Variants in NRG3 observed in about 807,000 individuals in gnomAD.
NRG3 encodes the protein pro-neuregulin-3, membrane-bound isoform.
NRG3 carries 31 observed loss-of-function variants against 66.9 expected under a neutral mutation model. The ratio of observed to expected loss-of-function variants is 0.46; its 90% CI spans 0.35 to 0.63. The LOEUF (loss-of-function observed/expected upper bound fraction) is 0.63. Among genes scored for constraint, NRG3 ranks in the 20% least tolerant of loss-of-function variants. The pLI is 0.00. For missense variants in NRG3, 910 were observed against 878.9 expected (o/e 1.04, Z -0.45); for synonymous variants, 393 against 359.4 (o/e 1.09, Z -1.06).
At chr10:82,186,479 A>T (rs2073816217) in intron 1 of NRG3, among the ~76,000 whole-genome samples, 1 of 152,160 alleles carries the variant, frequency 6.6e-6, no homozygotes, top group Non-Finnish European at 1.5e-5. Flanking sequence ...GTCCACTTCC[A>T]CTAATGCCTC....
chr10:82,837,576 C>T (rs568283796), intron 3 of NRG3, among the ~76,000 whole-genome samples: 10 of 152,100 alleles, frequency 6.6e-5, no homozygotes, highest in South Asian at 2.1e-4. Flanking sequence ...AATATTTGGA[C>T]GCGAATCATG....
chr10:82,132,515 T>TCATATA (rs2068972339), intron 1 of NRG3, among the ~76,000 whole-genome samples: 1 of 10,762 alleles, frequency 9.3e-5, no homozygotes, highest in Non-Finnish European at 2.5e-4. Flanking sequence ...CATATATATA[T>TCATATA]GATATATATG....
chr10:82,781,819 A>T (rs180812162), intron 3 of NRG3, among the ~76,000 whole-genome samples: 2 of 152,156 alleles, frequency 1.3e-5, no homozygotes, highest in East Asian at 3.9e-4. Flanking sequence ...CCTGAAGCAC[A>T]TGGGCCGTAA....
chr10:82,714,887 A>G (rs538344531), intron 2 of NRG3, among the ~76,000 whole-genome samples: 2 of 152,360 alleles, frequency 1.3e-5, no homozygotes, highest in Admixed American at 1.3e-4. Flanking sequence ...TGAAAAATCT[A>G]TTAACTATGT....
chr10:82,343,227 C>T (rs2082776451), intron 1 of NRG3, among the ~76,000 whole-genome samples: 1 of 151,890 alleles, frequency 6.6e-6, no homozygotes, highest in South Asian at 2.1e-4. Context: ...ACAAAATCAA[C>T]AAGGAAAAAT....
intron 2 of NRG3, among the ~76,000 whole-genome samples, chr10:82,415,663 T>C (rs1029007739): frequency 1.3e-5 from 2 of 152,182 alleles, no homozygotes; most frequent in African/African-American, 4.8e-5. Flanking sequence ...AGTGATACTT[T>C]ATAAAGTTGA....
At chr10:82,632,743 G>T (rs540937085) in intron 2 of NRG3, among the ~76,000 whole-genome samples, 37 of 152,090 alleles carry the variant, frequency 2.4e-4, no homozygotes, top group African/African-American at 8.9e-4. Flanking sequence ...GTCTGTCTTT[G>T]TTCATTTACG....
At chr10:82,882,849 A>G (rs1212598484) in intron 4 of NRG3, among the ~76,000 whole-genome samples, 1 of 152,060 alleles carries the variant, frequency 6.6e-6, no homozygotes, top group Non-Finnish European at 1.5e-5. Flanking sequence ...AACAGTTACT[A>G]CCAACAACTA....
At chr10:82,684,857 A>G (rs925306530) in intron 2 of NRG3, among the ~76,000 whole-genome samples, 19 of 152,174 alleles carry the variant, frequency 1.2e-4, no homozygotes, top group Admixed American at 1.2e-3. Context: ...AAAAAAACTG[A>G]CTAAATAGGA....
chr10:82,630,838 T>A (rs1325736038), intron 2 of NRG3, among the ~76,000 whole-genome samples: 2 of 152,194 alleles, frequency 1.3e-5, no homozygotes, highest in African/African-American at 4.8e-5. Flanking sequence ...TATTCTATCT[T>A]CTGATTGTTG....
chr10:82,754,115 A>C (rs1156450140), intron 3 of NRG3, among the ~76,000 whole-genome samples: 1 of 151,988 alleles, frequency 6.6e-6, no homozygotes, highest in Non-Finnish European at 1.5e-5. Context: ...TTAATTAGTA[A>C]TATTATTAGC....
At chr10:82,704,731 T>C (rs946793659) in intron 2 of NRG3, among the ~76,000 whole-genome samples, 4 of 152,200 alleles carry the variant, frequency 2.6e-5, no homozygotes, top group Admixed American at 1.3e-4. Flanking sequence ...CATCTCTTTA[T>C]CTTCTGAAAT....
intron 1 of NRG3, among the ~76,000 whole-genome samples, chr10:82,100,591 T>A (rs916098585): frequency 6.6e-6 from 1 of 152,124 alleles, no homozygotes; most frequent in Non-Finnish European, 1.5e-5. Context: ...TGAGATTTAA[T>A]CTGTCAAATC....
chr10:82,707,930 G>A (rs1034189177), intron 2 of NRG3, among the ~76,000 whole-genome samples: 12 of 150,936 alleles, frequency 8.0e-5, no homozygotes, highest in African/African-American at 2.9e-4. Context: ...GCTGAGGCAA[G>A]AGAATTGCTT....
chr10:82,319,904 C>A (rs2081478584), intron 1 of NRG3, among the ~76,000 whole-genome samples: 1 of 152,186 alleles, frequency 6.6e-6, no homozygotes, highest in Admixed American at 6.5e-5. Context: ...ATCTTCAAGT[C>A]ATGGTCCACT....
chr10:82,572,122 ATTCT>A (rs1321653414), intron 2 of NRG3, among the ~76,000 whole-genome samples: 1 of 151,762 alleles, frequency 6.6e-6, no homozygotes, highest in Non-Finnish European at 1.5e-5. Context: ...GATTTTAAAA[ATTCT>A]TCCTCCTTTT....
intron 2 of NRG3, among the ~76,000 whole-genome samples, chr10:82,734,689 A>G (rs961235097): frequency 4.6e-5 from 7 of 152,052 alleles, no homozygotes; most frequent in African/African-American, 1.7e-4. Flanking sequence ...TTAAATGTGG[A>G]AAAGAAACAA....
intron 2 of NRG3, among the ~76,000 whole-genome samples, chr10:82,520,359 C>G (rs1846072478): frequency 1.3e-5 from 2 of 151,846 alleles, no homozygotes; most frequent in Admixed American, 1.3e-4. Flanking sequence ...ACTTTTTACC[C>G]AGTAAGATGA....
chr10:82,898,943 C>T (rs545630993), intron 4 of NRG3, among the ~76,000 whole-genome samples: 1 of 152,054 alleles, frequency 6.6e-6, no homozygotes, highest in African/African-American at 2.4e-5. Flanking sequence ...ATCTCCTGAC[C>T]TCGTGATCTG....
Sources: allele counts gnomAD v4.1 joint callset (sites outside exome capture counted in the v4.1 genomes callset), GRCh38; gene constraint gnomAD v4.1.1; transcripts MANE v1.5; gene names NCBI Gene and HGNC (gene_info 2026-07-23, HGNC 2026-07-21).